The following CHD7 variants were observed in gnomAD, a reference collection of about 807,000 sequenced individuals.
CHD7 encodes the protein ATP-dependent chromatin remodeler CHD7.
Under a neutral mutation model 307.3 loss-of-function variants are expected in CHD7, and 24 were observed. That is an observed-to-expected ratio of 0.08 (90% CI 0.06 to 0.11). The LOEUF (loss-of-function observed/expected upper bound fraction) is 0.11. Among genes scored for constraint, CHD7 ranks in the 10% least tolerant of loss-of-function variants. The probability of loss-of-function intolerance (pLI) is 1.00; values close to 1 mark genes in which losing one functional copy is unlikely to be tolerated. For missense variants in CHD7, 3,106 were observed against 3,727.1 expected (o/e 0.83, Z 4.34); for synonymous variants, 1,363 against 1,349.9 (o/e 1.01, Z -0.21).
chr8:60,733,425 T>C (rs1225980624), intron 1 of CHD7, among the ~76,000 whole-genome samples: 2 of 152,208 alleles, frequency 1.3e-5, no homozygotes, highest in Non-Finnish European at 2.9e-5. Context: ...GTACATGGAA[T>C]GAAGACCCTG....
At chr8:60,810,939 C>T (rs549093299) in intron 7 of CHD7, among the ~76,000 whole-genome samples, 52 of 152,244 alleles carry the variant, frequency 3.4e-4, no homozygotes, top group African/African-American at 1.2e-3. Flanking sequence ...GTCAGATCAG[C>T]GTAACATTAG....
intron 3 of CHD7, among the ~76,000 whole-genome samples, chr8:60,786,530 G>T (rs972787740): frequency 6.6e-6 from 1 of 152,126 alleles, no homozygotes; most frequent in Non-Finnish European, 1.5e-5. Context: ...ATGGGAGAAG[G>T]TGGTGTAGAT....
intron 7 of CHD7, among the ~76,000 whole-genome samples, chr8:60,815,150 C>G (rs1374728344): frequency 2.6e-5 from 4 of 152,048 alleles, no homozygotes; most frequent in African/African-American, 4.8e-5. Context: ...TTTTTTCCCT[C>G]AATTATAGAA....
chr8:60,692,241 A>G (rs1452616079), intron 1 of CHD7, among the ~76,000 whole-genome samples: 1 of 152,244 alleles, frequency 6.6e-6, no homozygotes, highest in African/African-American at 2.4e-5. Context: ...TGTTTGACAC[A>G]CTAATTACTA....
chr8:60,864,831 C>T, intron 37 of CHD7, 185 bp from the exon 38 acceptor site: 1 of 640,506 alleles, frequency 1.6e-6, no homozygotes, highest in Middle Eastern at 4.1e-4. Context: ...TTCTGCAGTT[C>T]AGCAAGCTAA....
In CHD7 at chr8:60,804,852, A is replaced by G. The variant is rs192564721; in HGVS notation, c.2442+3259A>G. Among the ~76,000 whole-genome samples the G allele has an allele frequency of 2.0e-4, 31 of 152,342 alleles. No individual in the cohort carries two copies. The East Asian group carries it at 6.0e-3, about 29-fold the overall frequency. ...GTTTCTGGTTTGTTTGAACAGTGGG[A>G]CAAGTATGGCTTAATATGTTTGAAA... On this transcript the variant is annotated intron_variant, in intron 6 of 37. Transcript: ENST00000423902.
chr8:60,701,438 A>G (rs1452918533), intron 1 of CHD7, among the ~76,000 whole-genome samples: 2 of 152,186 alleles, frequency 1.3e-5, no homozygotes, highest in Admixed American at 6.5e-5. Context: ...CTAGCTAGTT[A>G]TACTTGGATG....
intron 2 of CHD7, among the ~76,000 whole-genome samples, chr8:60,749,614 C>G (rs1809528289): frequency 6.7e-6 from 1 of 149,478 alleles, no homozygotes; most frequent in Non-Finnish European, 1.5e-5. Context: ...AAAAAAAAAT[C>G]AGCTTTTACC....
chr8:60,847,034 G>T (rs1333315632), intron 23 of CHD7, among the ~76,000 whole-genome samples: 1 of 152,194 alleles, frequency 6.6e-6, no homozygotes, highest in South Asian at 2.1e-4. Flanking sequence ...TACACTCTTA[G>T]AAAATATCTG....
At chr8:60,790,462 T>C (rs1450162223) in intron 3 of CHD7, among the ~76,000 whole-genome samples, 1 of 152,254 alleles carries the variant, frequency 6.6e-6, no homozygotes, top group East Asian at 1.9e-4. Context: ...TAAAAAATGC[T>C]AGGTTTCACT....
intron 3 of CHD7, among the ~76,000 whole-genome samples, chr8:60,786,913 G>A (rs1001369089): frequency 6.6e-6 from 1 of 152,208 alleles, no homozygotes; most frequent in Non-Finnish European, 1.5e-5. Flanking sequence ...CAAAGCCACT[G>A]TGCAGAGCAT....
At position 60,856,728 on chromosome 8, in the gene CHD7, A is replaced by T; in HGVS notation, c.7448A>T (p.Glu2483Val). ...PVSDAFKTQM[E>V]LLQAGLSRTP... ...TCTGATGCCTTTAAGACTCAAATGGAACTGCTCCAAGCAGGCCTTTCGCGC... is the reference window on the plus strand; with the variant it reads ...TCTGATGCCTTTAAGACTCAAATGGTACTGCTCCAAGCAGGCCTTTCGCGC... The change falls in exon 34 of 38, where the codon GAA becomes GTA. Residue 2483 changes from glutamate (E) to valine (V), a missense_variant. Physicochemically the swap from Glu to Val is moderately radical, Grantham distance 121. Around this residue, in one of 10 missense-constraint regions of CHD7, gnomAD observed 1,030 missense variants for 1,165.4 expected, o/e 0.88. Coordinates refer to ENST00000423902, the MANE Select transcript of CHD7 (RefSeq NM_017780.4). 6.2e-7 allele frequency: 1 copy of T among 1,614,068 alleles called. No homozygotes were observed. Among genetic ancestry groups the T allele is most frequent in the Non-Finnish European group, 8.5e-7 (1 of 1,179,896 alleles).
At chr8:60,705,149 A>G (rs1050893025) in intron 1 of CHD7, among the ~76,000 whole-genome samples, 35 of 152,300 alleles carry the variant, frequency 2.3e-4, no homozygotes, top group African/African-American at 8.4e-4. Flanking sequence ...TGAAAGGTAG[A>G]TAAGTGTGGA....
intron 1 of CHD7, among the ~76,000 whole-genome samples, chr8:60,725,736 G>A (rs933526606): frequency 6.6e-6 from 1 of 152,210 alleles, no homozygotes; most frequent in African/African-American, 2.4e-5. Context: ...GAGATTGTGT[G>A]CTGCCAGACC....
intron 28 of CHD7, 76 bp from the exon 29 acceptor site, chr8:60,851,943 C>A: frequency 1.0e-6 from 1 of 961,988 alleles, no homozygotes; most frequent in Non-Finnish European, 1.5e-6. Flanking sequence ...CTTAATGAGT[C>A]ATCCTGTTTT....
intron 2 of CHD7, among the ~76,000 whole-genome samples, chr8:60,743,870 A>C (rs1166972958): frequency 6.6e-6 from 1 of 152,246 alleles, no homozygotes; most frequent in Non-Finnish European, 1.5e-5. Flanking sequence ...GATTATTCTT[A>C]GTGCTATTCA....
chr8:60,841,313 G>C (rs1804962456), intron 19 of CHD7, among the ~76,000 whole-genome samples: 1 of 152,186 alleles, frequency 6.6e-6, no homozygotes, highest in South Asian at 2.1e-4. Context: ...AATGGTTCAG[G>C]CATCATTTTA....
At chr8:60,696,985 A>G (rs933228002) in intron 1 of CHD7, among the ~76,000 whole-genome samples, 1 of 152,146 alleles carries the variant, frequency 6.6e-6, no homozygotes, top group African/African-American at 2.4e-5. Flanking sequence ...GAACATAAGA[A>G]TAATTTTTAA....
intron 1 of CHD7, among the ~76,000 whole-genome samples, chr8:60,708,221 C>T (rs1348259321): frequency 6.6e-6 from 1 of 152,158 alleles, no homozygotes; most frequent in East Asian, 1.9e-4. Context: ...CTGAGCTGTG[C>T]TTTAAGTATG....
Sources: allele counts gnomAD v4.1 joint callset (sites outside exome capture counted in the v4.1 genomes callset), GRCh38; gene constraint gnomAD v4.1.1; regional missense constraint gnomAD v4.1.1; transcripts MANE v1.5; gene names NCBI Gene and HGNC (gene_info 2026-07-23, HGNC 2026-07-21).